Variants in PTPRD observed in about 807,000 individuals in gnomAD.
The protein encoded by PTPRD is protein tyrosine phosphatase receptor type D.
PTPRD carries 34 observed loss-of-function variants against 214.5 expected under a neutral mutation model. The ratio of observed to expected loss-of-function variants is 0.16; its 90% confidence interval spans 0.12 to 0.21. The LOEUF is 0.21. Among genes scored for constraint, PTPRD ranks in the 10% least tolerant of loss-of-function variants. The pLI is 1.00. For missense variants in PTPRD, 2,545 were observed against 2,398.7 expected (o/e 1.06, Z -1.27); for synonymous variants, 1,128 against 845.7 (o/e 1.33, Z -5.79).
intron 3 of PTPRD, among the ~76,000 whole-genome samples, chr9:10,248,865 G>C (rs776461411): frequency 6.6e-4 from 77 of 117,038 alleles, no homozygotes; most frequent in Non-Finnish European, 1.4e-3. Flanking sequence ...TATGCACAGA[G>C]GTGATATTTT....
intron 8 of PTPRD, among the ~76,000 whole-genome samples, chr9:9,407,408 T>G (rs2073885881): frequency 1.3e-5 from 2 of 151,774 alleles, no homozygotes; most frequent in South Asian, 4.1e-4. Flanking sequence ...TTTGTACGTG[T>G]TTAATTGTGA....
At chr9:9,929,608 A>T (rs1325498196) in intron 5 of PTPRD, among the ~76,000 whole-genome samples, 1 of 152,078 alleles carries the variant, frequency 6.6e-6, no homozygotes, top group Non-Finnish European at 1.5e-5. Flanking sequence ...TGGCCAGGAT[A>T]GTCTCAATCT....
intron 11 of PTPRD, among the ~76,000 whole-genome samples, chr9:8,735,622 G>C (rs2090093195): frequency 6.6e-6 from 1 of 152,136 alleles, no homozygotes; most frequent in African/African-American, 2.4e-5. Flanking sequence ...AAAGAAAATG[G>C]TTCAGAGTCA....
At chr9:9,180,281 G>T (rs887445464) in intron 10 of PTPRD, among the ~76,000 whole-genome samples, 3 of 151,892 alleles carry the variant, frequency 2.0e-5, no homozygotes, top group African/African-American at 7.3e-5. Flanking sequence ...AAAATGATGA[G>T]TTCATGTCTT....
At chr9:9,728,447 A>C (rs2098130181) in intron 7 of PTPRD, among the ~76,000 whole-genome samples, 1 of 152,186 alleles carries the variant, frequency 6.6e-6, no homozygotes, top group Admixed American at 6.5e-5. Flanking sequence ...TTAACTAATT[A>C]GCTGTTGTAG....
intron 9 of PTPRD, among the ~76,000 whole-genome samples, chr9:9,360,227 T>C (rs929868376): frequency 6.6e-6 from 1 of 150,394 alleles, no homozygotes; most frequent in African/African-American, 2.4e-5. Context: ...GACTATTTCC[T>C]GTAGACTGAC....
intron 2 of PTPRD, among the ~76,000 whole-genome samples, chr9:10,610,435 T>C (rs1484796446): frequency 6.6e-6 from 1 of 152,188 alleles, no homozygotes; most frequent in African/African-American, 2.4e-5. Flanking sequence ...CTAATATATG[T>C]AATAACATGT....
chr9:10,612,272 T>A (rs1261265303), intron 2 of PTPRD, 126 bp downstream of exon 2: 1 of 150,664 alleles, frequency 6.6e-6, no homozygotes, highest in Non-Finnish European at 1.5e-5. Flanking sequence ...CTACTGAAGT[T>A]ATATAAGTCA....
At chr9:9,346,725 T>C (rs768208034) in intron 9 of PTPRD, among the ~76,000 whole-genome samples, 2 of 152,076 alleles carry the variant, frequency 1.3e-5, no homozygotes, top group Non-Finnish European at 2.9e-5. Flanking sequence ...AGAGTTTTGC[T>C]CTTGTTGCCC....
At chr9:9,171,126 G>A (rs746157843) in intron 10 of PTPRD, among the ~76,000 whole-genome samples, 37 of 152,190 alleles carry the variant, frequency 2.4e-4, no homozygotes, top group Non-Finnish European at 4.3e-4. Context: ...CTGCTTTCTC[G>A]TTAACTCTCT....
At chr9:9,323,370 G>C (rs1383263637) in intron 9 of PTPRD, among the ~76,000 whole-genome samples, 2 of 152,102 alleles carry the variant, frequency 1.3e-5, no homozygotes, top group South Asian at 2.1e-4. Flanking sequence ...CCAACCATGA[G>C]AGTTAGGTAG....
chr9:8,671,075 T>C (rs2154363340), intron 12 of PTPRD, among the ~76,000 whole-genome samples: 1 of 152,314 alleles, frequency 6.6e-6, no homozygotes, highest in East Asian at 1.9e-4. Flanking sequence ...ATTCCATTTC[T>C]ACCTATACAG....
intron 11 of PTPRD, among the ~76,000 whole-genome samples, chr9:8,767,141 G>A (rs1284175010): frequency 2.0e-5 from 3 of 151,866 alleles, no homozygotes; most frequent in Non-Finnish European, 4.4e-5. Flanking sequence ...TTTTGAGATG[G>A]AGTTTTGCTC....
chr9:10,167,783 C>A (rs184939043), intron 3 of PTPRD, among the ~76,000 whole-genome samples: 106 of 152,144 alleles, frequency 7.0e-4, no homozygotes, highest in African/African-American at 2.3e-3. Context: ...AAGATAAAGG[C>A]CAAATTCACC....
chr9:9,837,920 C>T (rs1254244101), intron 5 of PTPRD, among the ~76,000 whole-genome samples: 1 of 152,108 alleles, frequency 6.6e-6, no homozygotes, highest in Non-Finnish European at 1.5e-5. Context: ...CCTCCCCACT[C>T]CCCCAACCCC....
At position 8,631,422 on chromosome 9, in the gene PTPRD, T is replaced by C. The variant is rs141544977; in HGVS notation, c.352+1895A>G. 1.2e-3 allele frequency among the ~76,000 whole-genome samples: 184 copies of C among 151,926 alleles called. 2 individuals carry two copies. Among genetic ancestry groups the C allele is most frequent in the African/African-American group, 4.3e-3 (178 of 41,498 alleles). On this transcript the variant is annotated intron_variant, in intron 14 of 45. Coordinates refer to ENST00000381196, the MANE Select transcript of PTPRD (RefSeq NM_002839.4). ...TGTCGCTTGCTGGTGGTAGCTGACT[T>C]GATTGCTTTAGAACTGGTGTTCATT...
At chr9:8,731,313 A>G (rs1354676598) in intron 12 of PTPRD, among the ~76,000 whole-genome samples, 1 of 152,188 alleles carries the variant, frequency 6.6e-6, no homozygotes, top group East Asian at 1.9e-4. Context: ...ACATTTGAAA[A>G]AATTATTTCA....
intron 8 of PTPRD, among the ~76,000 whole-genome samples, chr9:9,443,855 T>C (rs79832803): frequency 0.013 from 1,941 of 152,294 alleles, 37 homozygotes; most frequent in African/African-American, 0.044. Context: ...TTACAGTGTA[T>C]TGTTACACAG....
At chr9:8,514,456 G>A (rs10815895) in intron 21 of PTPRD, among the ~76,000 whole-genome samples, 52,604 of 151,214 alleles carry the variant, frequency 0.35, 10,208 homozygotes, top group African/African-American at 0.54. Context: ...ATTTCAGCCA[G>A]ATTTACTGCT....
Sources: allele counts gnomAD v4.1 joint callset (sites outside exome capture counted in the v4.1 genomes callset), GRCh38; gene constraint gnomAD v4.1.1; transcripts MANE v1.5; gene names NCBI Gene and HGNC (gene_info 2026-07-23, HGNC 2026-07-21).